The following CDH12 variants were observed in gnomAD, a reference collection of about 807,000 sequenced individuals.
CDH12 encodes cadherin 12.
A neutral mutation model predicts 74.1 loss-of-function variants in CDH12; 41 were observed. The ratio of observed to expected loss-of-function variants is 0.55; its 90% CI spans 0.43 to 0.72. CDH12 has a LOEUF of 0.72. Ranked by LOEUF, CDH12 falls within the 30% of genes least tolerant of loss-of-function variation. CDH12 has a pLI of 0.00. For synonymous variants in CDH12, 399 were observed against 355.0 expected, an observed-to-expected ratio of 1.12 and a Z score of -1.39; for missense variants, 945 against 977.2, an observed-to-expected ratio of 0.97 and a Z score of 0.44.
At chr5:21,938,664 C>T (rs1210762625) in intron 6 of CDH12, among the ~76,000 whole-genome samples, 2 of 142,634 alleles carry the variant, frequency 1.4e-5, no homozygotes, top group Non-Finnish European at 3.0e-5. Context: ...GAGTTACTTG[C>T]TAAATTTTAA....
chr5:22,164,265 G>A (rs950915982), intron 4 of CDH12, among the ~76,000 whole-genome samples: 1 of 152,286 alleles, frequency 6.6e-6, no homozygotes, highest in Middle Eastern at 3.4e-3. Context: ...TGCAGTGAGT[G>A]TTATAGCTCT....
At chr5:22,748,429 G>A (rs1745397417) in intron 1 of CDH12, among the ~76,000 whole-genome samples, 1 of 151,764 alleles carries the variant, frequency 6.6e-6, no homozygotes, top group South Asian at 2.1e-4. Flanking sequence ...TGAGACATGA[G>A]TGAATAAGGA....
At chr5:21,991,436 TCAGA>T (rs1757744597) in intron 5 of CDH12, among the ~76,000 whole-genome samples, 1 of 115,954 alleles carries the variant, frequency 8.6e-6, no homozygotes, top group South Asian at 2.9e-4. Flanking sequence ...TTTCTTTTGC[TCAGA>T]CAAGCACAAT....
At chr5:22,052,565 C>G (rs891419784) in intron 5 of CDH12, among the ~76,000 whole-genome samples, 2 of 152,074 alleles carry the variant, frequency 1.3e-5, no homozygotes, top group African/African-American at 4.8e-5. Flanking sequence ...CACTCCTTTG[C>G]TTTCTACTGA....
At chr5:21,953,626 T>C (rs568456261) in intron 6 of CDH12, among the ~76,000 whole-genome samples, 396 of 152,312 alleles carry the variant, frequency 2.6e-3, no homozygotes, top group African/African-American at 8.8e-3. Context: ...CCACTCTTTG[T>C]TTCCAATTTT....
intron 5 of CDH12, among the ~76,000 whole-genome samples, chr5:21,984,083 C>T (rs1433790555): frequency 6.6e-6 from 1 of 152,090 alleles, no homozygotes; most frequent in African/African-American, 2.4e-5. Context: ...TCTTGAATAC[C>T]TGATAACTCT....
chr5:22,471,442 T>A (rs2126606105), intron 2 of CDH12, among the ~76,000 whole-genome samples: 1 of 152,324 alleles, frequency 6.6e-6, no homozygotes, highest in Non-Finnish European at 1.5e-5. Flanking sequence ...GTTTACTTTC[T>A]ACTGACTCAT....
intron 4 of CDH12, among the ~76,000 whole-genome samples, chr5:22,081,768 A>G (rs533404501): frequency 2.0e-5 from 3 of 152,340 alleles, no homozygotes; most frequent in African/African-American, 7.2e-5. Context: ...CTTTTCGCTT[A>G]GAAGTCAAAT....
Position 21,815,626 on chromosome 5 carries a change from T to TTC in CDH12, c.1002+1317_1002+1318dup, listed in dbSNP as rs534341594. Among the ~76,000 whole-genome samples, 596 of 152,070 alleles carry TTC rather than the reference T, an allele frequency of 3.9e-3. 6 individuals are homozygous for TTC. Among genetic ancestry groups the TTC allele is most frequent in the African/African-American group, 0.014 (574 of 41,504 alleles). ...AACAGCTTCCCAGCGCAGTCTGTCT[T>TTC]TCTCTCTCTCTCGGTTTCTTGGTAA... On this transcript the variant is annotated intron_variant, in intron 9 of 14. Transcript: ENST00000382254.
At chr5:22,061,998 G>T (rs1741221408) in intron 5 of CDH12, among the ~76,000 whole-genome samples, 2 of 152,056 alleles carry the variant, frequency 1.3e-5, no homozygotes, top group South Asian at 4.1e-4. Context: ...AAAAGAAAAG[G>T]AAGGATTGAA....
In CDH12 at chr5:22,801,148, G is replaced by A. The variant is rs191840765; in HGVS notation, c.-523+51910C>T. ...TCTTCCAAAGTGGCTATACCATTTC[G>A]CATTACCTCCAGCAATGAAGATTAG... On this transcript the variant is annotated intron_variant, in intron 1 of 14. Transcript: ENST00000382254. Among the ~76,000 whole-genome samples, 389 of 152,214 alleles carry A rather than the reference G, an allele frequency of 2.6e-3. 1 individual carries two copies. Among genetic ancestry groups the A allele is most frequent in the African/African-American group, 9.1e-3 (376 of 41,528 alleles).
At chr5:22,320,030 GAGCC>G (rs1270850305) in intron 3 of CDH12, among the ~76,000 whole-genome samples, 20 of 152,122 alleles carry the variant, frequency 1.3e-4, no homozygotes, top group African/African-American at 4.8e-4. Flanking sequence ...CTCAAGCCTT[GAGCC>G]TGAAACTAAT....
intron 1 of CDH12, among the ~76,000 whole-genome samples, chr5:22,789,238 A>G (rs1250365859): frequency 2.0e-5 from 3 of 152,118 alleles, no homozygotes; most frequent in African/African-American, 7.2e-5. Flanking sequence ...TGATATTGTA[A>G]TTAATGTGTC....
chr5:22,162,712 A>G (rs1303838064), intron 4 of CDH12, among the ~76,000 whole-genome samples: 2 of 151,464 alleles, frequency 1.3e-5, no homozygotes, highest in Non-Finnish European at 2.9e-5. Context: ...CCCACATCCA[A>G]CTCCTCATCA....
In CDH12 at chr5:21,817,125, G is replaced by T; in HGVS notation, c.822C>A (p.Phe274Leu). The T allele has an allele frequency of 6.2e-7, 1 of 1,605,742 alleles. No homozygotes were observed. Among genetic ancestry groups the T allele is most frequent in the South Asian group, 1.1e-5 (1 of 90,076 alleles). Residue 274 changes from phenylalanine (F) to leucine (L), a missense_variant, in exon 9 of 15, where the codon TTC becomes TTA. Coordinates refer to ENST00000382254, the MANE Select transcript of CDH12 (RefSeq NM_004061.5). ...DNPPRFPKSIFHLKVPESSPI... is the reference protein window; with the variant it reads ...DNPPRFPKSILHLKVPESSPI... ...GGGAAGACTCAGGAACTTTCAAGTG[G>T]AAGATGCCTGATAAGACATATAAAA...
chr5:22,848,342 G>C (rs1175308015), intron 1 of CDH12, among the ~76,000 whole-genome samples: 1 of 152,062 alleles, frequency 6.6e-6, no homozygotes, highest in Non-Finnish European at 1.5e-5. Context: ...TACTATTGCT[G>C]CTTTTTAGTG....
At chr5:22,658,158 T>C (rs1426661340) in intron 1 of CDH12, among the ~76,000 whole-genome samples, 1 of 152,146 alleles carries the variant, frequency 6.6e-6, no homozygotes, top group African/African-American at 2.4e-5. Context: ...GTTTTATGAA[T>C]TATGCTAGTT....
chr5:22,444,773 C>A lies in CDH12; in HGVS notation c.-427-39422G>T, dbSNP rs983467706. Among the ~76,000 whole-genome samples the A allele has an allele frequency of 7.2e-5, 11 of 151,998 alleles. 2 individuals carry two copies. The highest frequency in any genetic ancestry group is 7.2e-4 in the Admixed American group (11 of 15,212). On this transcript the variant is annotated intron_variant, in intron 2 of 14. Transcript: ENST00000382254. ...GAGGAATATTTCAGATGATGATTAA[C>A]CATAAATTAAATAAATTCATATTAT... is the stretch of plus-strand genomic sequence containing the variant.
chr5:22,751,513 ATTG>A (rs1372768670), intron 1 of CDH12, among the ~76,000 whole-genome samples: 2 of 152,026 alleles, frequency 1.3e-5, no homozygotes, highest in Non-Finnish European at 2.9e-5. Context: ...GTCACATAAA[ATTG>A]TTGTGATATT....
Sources: allele counts gnomAD v4.1 joint callset (sites outside exome capture counted in the v4.1 genomes callset), GRCh38; gene constraint gnomAD v4.1.1; transcripts MANE v1.5; gene names NCBI Gene and HGNC (gene_info 2026-07-23, HGNC 2026-07-21).